ABCA12: variants seen among roughly 807,000 people sequenced by gnomAD.
The protein encoded by ABCA12 is glucosylceramide transporter ABCA12.
In ABCA12, 156 loss-of-function variants were observed where a neutral mutation model predicts 293.5. That is an observed-to-expected ratio of 0.53 (90% CI 0.47 to 0.61). The LOEUF (loss-of-function observed/expected upper bound fraction) is 0.61, where lower values mean the gene tolerates loss of function less well. Ranked by LOEUF, ABCA12 falls within the 20% of genes least tolerant of loss-of-function variation. The probability of loss-of-function intolerance (pLI) is 0.00; values close to 1 mark genes in which losing one functional copy is unlikely to be tolerated. For missense variants in ABCA12, 2,797 were observed against 3,090.2 expected (o/e 0.91, Z 2.25); for synonymous variants, 1,063 against 1,108.0 (o/e 0.96, Z 0.81).
At chr2:214,944,697 G>A (rs952049353) in intron 49 of ABCA12, among the ~76,000 whole-genome samples, 5 of 151,984 alleles carry the variant, frequency 3.3e-5, no homozygotes, top group Admixed American at 1.3e-4. Flanking sequence ...TGAGAAATTC[G>A]ATGTTAAAAA....
At chr2:215,076,129 T>C (rs1214161184) in intron 2 of ABCA12, among the ~76,000 whole-genome samples, 1 of 152,176 alleles carries the variant, frequency 6.6e-6, no homozygotes. Flanking sequence ...CCCCATCTTC[T>C]CATCAGACTT....
intron 1 of ABCA12, among the ~76,000 whole-genome samples, chr2:215,136,012 G>C (rs1703218366): frequency 6.6e-6 from 1 of 151,980 alleles, no homozygotes; most frequent in African/African-American, 2.4e-5. Context: ...TGTCCCTCTG[G>C]TTGGTTATAA....
chr2:214,934,376 C>A (rs1019786843), intron 51 of ABCA12, among the ~76,000 whole-genome samples, 161 bp from the exon 52 acceptor site: 41 of 152,036 alleles, frequency 2.7e-4, no homozygotes, highest in African/African-American at 8.9e-4. Context: ...TAACAGCTTG[C>A]AAAGATGAGA....
chr2:214,954,826 A>G (rs1381626705), intron 43 of ABCA12, among the ~76,000 whole-genome samples: 1 of 152,206 alleles, frequency 6.6e-6, no homozygotes, highest in Non-Finnish European at 1.5e-5. Flanking sequence ...ATGAATGTTC[A>G]AATGAATCAA....
At chr2:214,956,037 G>A (rs1298562134) in intron 42 of ABCA12, among the ~76,000 whole-genome samples, 1 of 152,184 alleles carries the variant, frequency 6.6e-6, no homozygotes, top group African/African-American at 2.4e-5. Context: ...CTTAGAAGCT[G>A]GCTAGCCTGT....
intron 31 of ABCA12, 136 bp downstream of exon 31, chr2:214,980,347 C>T (rs760037344): frequency 2.3e-5 from 29 of 1,261,400 alleles, no homozygotes; most frequent in African/African-American, 1.9e-4. Context: ...TTTCGATGCT[C>T]ACTCAAATAT....
chr2:215,057,404 G>A (rs1038176405), intron 3 of ABCA12, among the ~76,000 whole-genome samples: 2 of 151,976 alleles, frequency 1.3e-5, no homozygotes, highest in African/African-American at 4.8e-5. Flanking sequence ...TCAATATGGA[G>A]CTGGAGGCCC....
intron 9 of ABCA12, among the ~76,000 whole-genome samples, chr2:215,028,435 T>C (rs1197556362): frequency 2.0e-5 from 3 of 152,212 alleles, no homozygotes; most frequent in Non-Finnish European, 2.9e-5. Context: ...AAAGTATCCA[T>C]TTTACAAGCG....
Position 215,010,990 on chromosome 2 carries a change from C to T in ABCA12, c.2332+449G>A, listed in dbSNP as rs188685955. Reference sequence around the variant, plus strand: ...GTTTTGATGTGCCACGAGACATTTACGGTTCTGCTGCAGTCATGCAACTCT... The same window carrying T: ...GTTTTGATGTGCCACGAGACATTTATGGTTCTGCTGCAGTCATGCAACTCT... On this transcript the variant is annotated intron_variant, in intron 17 of 52. Coordinates refer to ENST00000272895, the MANE Select transcript of ABCA12 (RefSeq NM_173076.3). 4.4e-3 allele frequency among the ~76,000 whole-genome samples: 673 copies of T among 152,308 alleles called. 2 individuals carry two copies. Among genetic ancestry groups the T allele is most frequent in the Non-Finnish European group, 7.9e-3 (538 of 68,020 alleles).
intron 8 of ABCA12, among the ~76,000 whole-genome samples, chr2:215,034,041 C>T (rs1700939975): frequency 6.6e-6 from 1 of 152,086 alleles, no homozygotes; most frequent in Non-Finnish European, 1.5e-5. Context: ...CATAGATAAC[C>T]TCTTTTTATC....
Position 215,010,423 on chromosome 2 carries a change from C to T in ABCA12, c.2380G>A (p.Gly794Arg). Residue 794 changes from glycine (G) to arginine (R), a missense_variant, in exon 18 of 53, where the codon GGA (glycine) becomes AGA (arginine). Gly to Arg is a moderately radical substitution (Grantham distance 125). Around this residue, in one of 3 missense-constraint regions of ABCA12, gnomAD observed 2,130 missense variants for 2,427.0 expected, o/e 0.88. Coordinates refer to ENST00000272895, the MANE Select transcript of ABCA12 (RefSeq NM_173076.3). Reference sequence around the variant, plus strand: ...TTCAAGAAAGCCCAAATCACAGGTCCAGCGGGCATGTTAATGATGTCTTTA... The same window carrying T: ...TTCAAGAAAGCCCAAATCACAGGTCTAGCGGGCATGTTAATGATGTCTTTA... ...LYKDIINMPA[G>R]PVIWAFLKPM... The T allele has an allele frequency of 1.9e-6, 3 of 1,613,754 alleles. No homozygotes were observed. Among genetic ancestry groups the T allele is most frequent in the Non-Finnish European group, 2.5e-6 (3 of 1,179,778 alleles).
intron 5 of ABCA12, among the ~76,000 whole-genome samples, chr2:215,051,477 A>G (rs1701318815): frequency 6.6e-6 from 1 of 152,262 alleles, no homozygotes; most frequent in Middle Eastern, 3.4e-3. Context: ...TAATTTAAGT[A>G]TAACTAACAA....
At chr2:215,051,756 C>A (rs554371976) in intron 5 of ABCA12, among the ~76,000 whole-genome samples, 1 of 151,726 alleles carries the variant, frequency 6.6e-6, no homozygotes, top group South Asian at 2.1e-4. Flanking sequence ...CTAAAGAGCA[C>A]ATAAAACAGG....
chr2:214,949,377 T>TACAC (rs368602071), intron 45 of ABCA12, among the ~76,000 whole-genome samples: 162 of 143,136 alleles, frequency 1.1e-3, no homozygotes, highest in African/African-American at 3.4e-3. Flanking sequence ...TATATATATA[T>TACAC]ACACACACAC....
intron 7 of ABCA12, among the ~76,000 whole-genome samples, 171 bp downstream of exon 7, chr2:215,045,666 C>T (rs1450109458): frequency 6.6e-6 from 1 of 152,130 alleles, no homozygotes; most frequent in Non-Finnish European, 1.5e-5. Context: ...TATGTTTCTT[C>T]TTTGCTTAAC....
intron 4 of ABCA12, among the ~76,000 whole-genome samples, chr2:215,053,450 T>A (rs1701358701): frequency 6.6e-6 from 1 of 152,100 alleles, no homozygotes; most frequent in South Asian, 2.1e-4. Flanking sequence ...GTGAGATAAC[T>A]GGCCAGAGTG....
At chr2:214,949,588 C>T (rs938774560) in intron 45 of ABCA12, among the ~76,000 whole-genome samples, 2 of 152,088 alleles carry the variant, frequency 1.3e-5, no homozygotes, top group African/African-American at 2.4e-5. Context: ...AAATTTGATG[C>T]GTGTAGTTTG....
chr2:215,101,709 G>A (rs973975611), intron 2 of ABCA12, among the ~76,000 whole-genome samples: 3 of 152,090 alleles, frequency 2.0e-5, no homozygotes, highest in Non-Finnish European at 2.9e-5. Context: ...AGTACAAAGA[G>A]TAATTCTCTA....
intron 49 of ABCA12, 65 bp from the exon 50 acceptor site, chr2:214,943,082 G>T: frequency 2.5e-6 from 3 of 1,210,124 alleles, no homozygotes; most frequent in Non-Finnish European, 2.4e-6. Flanking sequence ...AAGTTCATGA[G>T]CATAAGCATA....
Sources: gnomAD v4.1 joint callset for allele counts (sites outside exome capture counted in the v4.1 genomes callset) on GRCh38, gnomAD v4.1.1 for gene constraint, gnomAD v4.1.1 regional missense constraint, MANE v1.5 for transcripts, NCBI Gene and HGNC (gene_info 2026-07-23, HGNC 2026-07-21) for gene names.